Variants in PCMTD1 observed in about 807,000 individuals in gnomAD.
PCMTD1 encodes protein-L-isoaspartate (D-aspartate) O-methyltransferase domain containing 1, also known as protein-L-isoaspartate O-methyltransferase domain-containing protein 1.
Under a neutral mutation model 37.6 loss-of-function variants are expected in PCMTD1, and 12 were observed. The observed-to-expected ratio is 0.32, with a 90% CI of 0.20 to 0.52. The LOEUF (loss-of-function observed/expected upper bound fraction) is 0.52. PCMTD1 is among the 20% of genes least tolerant of loss of function. The pLI is 0.97. For missense variants in PCMTD1, 235 were observed against 421.3 expected, an observed-to-expected ratio of 0.56 and a Z score of 3.87; for synonymous variants, 117 against 135.8, an observed-to-expected ratio of 0.86 and a Z score of 0.96.
intron 5 of PCMTD1, 62 bp from the exon 6 acceptor site, chr8:51,820,780 A>ATT (rs35006940): frequency 3.7e-5 from 51 of 1,360,484 alleles, no homozygotes; most frequent in Middle Eastern, 2.0e-4. Flanking sequence ...TCTATTGTTT[A>ATT]TTTTTTTCAT....
intron 3 of PCMTD1, among the ~76,000 whole-genome samples, chr8:51,837,644 C>T (rs1256684241): frequency 6.6e-6 from 1 of 152,046 alleles, no homozygotes; most frequent in Non-Finnish European, 1.5e-5. Context: ...CACTTTTTTT[C>T]AATCTGTAAA....
intron 3 of PCMTD1, among the ~76,000 whole-genome samples, chr8:51,844,646 G>C (rs2038192784): frequency 6.6e-6 from 1 of 152,170 alleles, no homozygotes. Context: ...GCAGGAAGGG[G>C]AGGAAGGGCA....
At chr8:51,888,689 T>C (rs1263803796) in intron 1 of PCMTD1, among the ~76,000 whole-genome samples, 5 of 152,242 alleles carry the variant, frequency 3.3e-5, no homozygotes, top group Non-Finnish European at 7.3e-5. Flanking sequence ...GTCATTTTTA[T>C]CTAGCACCGA....
chr8:51,895,420 G>C (rs2038986044), intron 1 of PCMTD1, among the ~76,000 whole-genome samples: 1 of 152,158 alleles, frequency 6.6e-6, no homozygotes, highest in South Asian at 2.1e-4. Flanking sequence ...AAACACAGAA[G>C]AGTGTTTTAT....
chr8:51,841,676 TAA>T (rs755025081), intron 3 of PCMTD1, among the ~76,000 whole-genome samples: 11 of 152,054 alleles, frequency 7.2e-5, no homozygotes, highest in Non-Finnish European at 1.2e-4. Flanking sequence ...AAGCTGGAGA[TAA>T]TTTTTTTAAC....
intron 2 of PCMTD1, among the ~76,000 whole-genome samples, chr8:51,847,575 C>T (rs954431805): frequency 6.6e-6 from 1 of 151,834 alleles, no homozygotes; most frequent in Non-Finnish European, 1.5e-5. Context: ...TGCACTGAGC[C>T]AAGATCTTGC....
chr8:51,822,554 A>G (rs2037863925), intron 5 of PCMTD1, among the ~76,000 whole-genome samples: 1 of 152,226 alleles, frequency 6.6e-6, no homozygotes, highest in African/African-American at 2.4e-5. Context: ...AGAGATAATA[A>G]TAACTACAAT....
chr8:51,844,575 A>G (rs1418257711), intron 3 of PCMTD1, among the ~76,000 whole-genome samples: 1 of 152,156 alleles, frequency 6.6e-6, no homozygotes, highest in Admixed American at 6.6e-5. Context: ...CGATAAATAC[A>G]AACTGGGATT....
At chr8:51,857,733 A>G (rs2038412258) in intron 2 of PCMTD1, among the ~76,000 whole-genome samples, 1 of 152,222 alleles carries the variant, frequency 6.6e-6, no homozygotes, top group Admixed American at 6.5e-5. Flanking sequence ...ACATGTCTCA[A>G]TGAGACATCT....
chr8:51,899,065 G>T (rs549931514), upstream of PCMTD1: 1 of 1,502,198 alleles, frequency 6.7e-7, no homozygotes, highest in Admixed American at 2.1e-5. Context: ...CCCGCGACTG[G>T]AGCAGCCAGA....
chr8:51,828,133 G>A (rs1347445477), intron 5 of PCMTD1, among the ~76,000 whole-genome samples: 2 of 152,158 alleles, frequency 1.3e-5, no homozygotes, highest in Non-Finnish European at 2.9e-5. Flanking sequence ...AAGTAAAATA[G>A]ATAAACAGCT....
chr8:51,869,547 A>G (rs997596441), intron 1 of PCMTD1, among the ~76,000 whole-genome samples: 1 of 152,084 alleles, frequency 6.6e-6, no homozygotes, highest in Non-Finnish European at 1.5e-5. Flanking sequence ...GCTGCTGTCC[A>G]TGCCTTGGCA....
chr8:51,829,975 T>TAA (rs1563336727), intron 5 of PCMTD1, among the ~76,000 whole-genome samples: 2 of 152,078 alleles, frequency 1.3e-5, no homozygotes, highest in African/African-American at 4.8e-5. Context: ...ACCTCATGGT[T>TAA]AAAAAAACTA....
intron 1 of PCMTD1, among the ~76,000 whole-genome samples, chr8:51,882,343 C>T (rs1318705899): frequency 6.6e-6 from 1 of 152,172 alleles, no homozygotes; most frequent in African/African-American, 2.4e-5. Flanking sequence ...TCCTCGGAAG[C>T]CCCGTATTCA....
At chr8:51,827,191 C>T (rs1212013435) in intron 5 of PCMTD1, 4 of 1,125,812 alleles carry the variant, frequency 3.6e-6, no homozygotes, top group Non-Finnish European at 4.4e-6. Context: ...CTGAATATTA[C>T]TATATGAAGC....
intron 1 of PCMTD1, among the ~76,000 whole-genome samples, chr8:51,886,405 C>G (rs1267635251): frequency 6.6e-6 from 1 of 152,194 alleles, no homozygotes; most frequent in African/African-American, 2.4e-5. Flanking sequence ...TTTGTCAATA[C>G]CCCTATCAAT....
At position 51,894,298 on chromosome 8, in the gene PCMTD1, A is replaced by G. The variant is rs1279960564; in HGVS notation, c.-96+4632T>C. On this transcript the variant is annotated intron_variant, in intron 1 of 5. Coordinates refer to ENST00000522514, the MANE Select transcript of PCMTD1 (RefSeq NM_052937.4). ...AGAATGTAACTTAATATTTTAAACT[A>G]AAACAAGAAATAAGTTTTGAAAGGG... Among the ~76,000 whole-genome samples, 11 of 152,362 alleles carry G rather than the reference A, an allele frequency of 7.2e-5. No homozygotes were observed. The East Asian group carries it at 2.1e-3, about 29-fold the overall frequency.
intron 1 of PCMTD1, among the ~76,000 whole-genome samples, chr8:51,895,778 G>A (rs188117316): frequency 8.5e-5 from 13 of 152,088 alleles, no homozygotes; most frequent in Admixed American, 3.9e-4. Flanking sequence ...TACGTTGACC[G>A]AGAGATAATC....
At chr8:51,845,815 G>C (rs1172021669) in intron 2 of PCMTD1, 52 bp from the exon 3 acceptor site, 1 of 1,306,964 alleles carries the variant, frequency 7.7e-7, no homozygotes, top group Non-Finnish European at 1.1e-6. Context: ...TGCCCTTACA[G>C]AGCTCTTTTT....
Sources: gnomAD v4.1 joint callset for allele counts (sites outside exome capture counted in the v4.1 genomes callset) on GRCh38, gnomAD v4.1.1 for gene constraint, MANE v1.5 for transcripts, NCBI Gene and HGNC (gene_info 2026-07-23, HGNC 2026-07-21) for gene names.